LATS2: variants seen among roughly 807,000 people sequenced by gnomAD.
LATS2 encodes serine/threonine-protein kinase LATS2.
Under a neutral mutation model 76.0 loss-of-function variants are expected in LATS2, and 24 were observed. The ratio of observed to expected loss-of-function variants is 0.32; its 90% confidence interval spans 0.23 to 0.44. The LOEUF is 0.44. LATS2 is among the 20% of genes least tolerant of loss of function. The pLI is 1.00. For missense variants in LATS2, 1,286 were observed against 1,481.2 expected (o/e 0.87, Z 2.16); for synonymous variants, 692 against 635.4 (o/e 1.09, Z -1.34).
rs58156767 is a variant in LATS2 at position 20,973,514 on chromosome 13, CTGTGTGTG to C, written c.*1348_*1355del. ...GAAATAAGGAATATTGTGTTTATCT[CTGTGTGTG>C]TGTGTGTGTGTGTATACACGCACAT... On this transcript the variant is annotated 3_prime_UTR_variant, in exon 8 of 8. Transcript: ENST00000382592. The C allele has an allele frequency of 1.8e-5, 4 of 224,182 alleles. No individual in the cohort carries two copies. Among genetic ancestry groups the C allele is most frequent in the African/African-American group, 6.7e-5 (3 of 44,804 alleles). 13.9% of individuals were successfully genotyped at this position (224,182 alleles called of 1,614,324 possible). A position where few individuals can be genotyped will look rare whatever the true frequency, so the allele number is the denominator to read the frequency against.
chr13:20,976,781 C>T (rs1869643723), intron 7 of LATS2, among the ~76,000 whole-genome samples: 1 of 151,908 alleles, frequency 6.6e-6, no homozygotes, highest in African/African-American at 2.4e-5. Context: ...TTAAAAAAAA[C>T]AAAAACAGGA....
At chr13:21,054,163 C>T (rs1012448385) in intron 1 of LATS2, among the ~76,000 whole-genome samples, 9 of 152,152 alleles carry the variant, frequency 5.9e-5, no homozygotes, top group African/African-American at 2.2e-4. Flanking sequence ...TTAAACATAG[C>T]TACACGGCTG....
chr13:21,007,674 A>ATATATAGTGTG (rs1193794116), intron 2 of LATS2, among the ~76,000 whole-genome samples: 1 of 5,940 alleles, frequency 1.7e-4, no homozygotes, highest in Non-Finnish European at 2.8e-4. Flanking sequence ...GTGTGTATAT[A>ATATATAGTGTG]TATATATAGT....
At chr13:20,999,867 A>AAT (rs1264446344) in intron 2 of LATS2, among the ~76,000 whole-genome samples, 4 of 151,006 alleles carry the variant, frequency 2.6e-5, no homozygotes, top group Admixed American at 2.6e-4. Flanking sequence ...AACATACAAA[A>AAT]AAAAAAAAAA....
chr13:20,981,414 C>T (rs1169035566), intron 6 of LATS2, 52 bp downstream of exon 6: 80 of 1,535,980 alleles, frequency 5.2e-5, no homozygotes, highest in East Asian at 2.3e-4. Context: ...ACTCAGCTCA[C>T]GTCTGAAGGG....
rs555908856 is a variant in LATS2 at position 20,994,383 on chromosome 13, A to G, written c.343-2979T>C. 2.6e-5 allele frequency among the ~76,000 whole-genome samples: 4 copies of G among 152,354 alleles called. No homozygotes were observed. In the East Asian group the frequency reaches 7.7e-4, roughly 29 times the overall value. On this transcript the variant is annotated intron_variant, in intron 2 of 7. Coordinates refer to ENST00000382592, the MANE Select transcript of LATS2 (RefSeq NM_014572.3). ...TGCTACTGTACATATACATAGAGCTATGTTTTAAACACTGAAGGAAATGGG... is the reference window on the plus strand; with the variant it reads ...TGCTACTGTACATATACATAGAGCTGTGTTTTAAACACTGAAGGAAATGGG...
intron 2 of LATS2, among the ~76,000 whole-genome samples, chr13:21,042,956 C>G (rs1029341129): frequency 2.0e-5 from 3 of 151,236 alleles, no homozygotes; most frequent in Admixed American, 6.6e-5. Flanking sequence ...TGCACTCCAG[C>G]CTGGGCCACA....
At chr13:20,981,850 T>C (rs771415091) in intron 5 of LATS2, among the ~76,000 whole-genome samples, 13 of 151,936 alleles carry the variant, frequency 8.6e-5, no homozygotes, top group Admixed American at 7.2e-4. Flanking sequence ...CGTGGTGAGG[T>C]TGGCGCTAGC....
At position 21,043,333 on chromosome 13, in the gene LATS2, T is replaced by C. The variant is rs575214311; in HGVS notation, c.342+2352A>G. 1.4e-4 allele frequency among the ~76,000 whole-genome samples: 21 copies of C among 150,512 alleles called. No homozygotes were observed. In the South Asian group the frequency reaches 2.1e-3, roughly 15 times the overall value. On this transcript the variant is annotated intron_variant, in intron 2 of 7. Transcript: ENST00000382592. ...GCCTGGGCAACAGAGCAAGACACCG[T>C]CTAAAAAAAAAAAAGAACTCTATTA...
intron 2 of LATS2, among the ~76,000 whole-genome samples, chr13:20,997,615 C>A (rs746678645): frequency 1.5e-4 from 23 of 152,196 alleles, no homozygotes; most frequent in Non-Finnish European, 2.9e-4. Flanking sequence ...CCTCACCCAG[C>A]TCTCCAGCTG....
chr13:21,004,713 C>G (rs1035082878), intron 2 of LATS2, among the ~76,000 whole-genome samples: 1 of 152,170 alleles, frequency 6.6e-6, no homozygotes, highest in South Asian at 2.1e-4. Flanking sequence ...TCAACAGTAT[C>G]CCGAATCCAA....
chr13:20,998,472 G>C (rs950467791), intron 2 of LATS2, among the ~76,000 whole-genome samples: 2 of 152,234 alleles, frequency 1.3e-5, no homozygotes, highest in Non-Finnish European at 2.9e-5. Flanking sequence ...TCTCTGGCGG[G>C]ATCCTGTGCT....
chr13:21,042,094 A>G (rs1872898496), intron 2 of LATS2, among the ~76,000 whole-genome samples: 1 of 152,218 alleles, frequency 6.6e-6, no homozygotes, highest in Non-Finnish European at 1.5e-5. Flanking sequence ...CCTTAAATCT[A>G]TATTTAAAGA....
chr13:20,986,331 C>A (rs1870142234), intron 4 of LATS2, among the ~76,000 whole-genome samples: 2 of 152,180 alleles, frequency 1.3e-5, no homozygotes, highest in South Asian at 4.1e-4. Flanking sequence ...ATGTTTATTG[C>A]AGCACTATTC....
rs539563222 is a variant in LATS2, at chr13:21,033,982, AC to A, written c.342+11702del. ...TTCTGTGGGACAGGGGACCAGTCGC[AC>A]CCAGGCTGGTAGGACAACGATCTTA... On this transcript the variant is annotated intron_variant, in intron 2 of 7. Coordinates refer to ENST00000382592, the MANE Select transcript of LATS2 (RefSeq NM_014572.3). Among the ~76,000 whole-genome samples, 24 of 152,212 alleles carry A rather than the reference AC, an allele frequency of 1.6e-4. No individual in the cohort carries two copies. The East Asian group carries it at 4.1e-3, about 26-fold the overall frequency.
At chr13:20,995,613 A>C (rs1205881774) in intron 2 of LATS2, among the ~76,000 whole-genome samples, 1 of 152,236 alleles carries the variant, frequency 6.6e-6, no homozygotes, top group Non-Finnish European at 1.5e-5. Flanking sequence ...GCAAGCAGGG[A>C]GTAAGAAGAT....
At chr13:20,983,181 C>A in intron 5 of LATS2, 43 bp downstream of exon 5, 1 of 1,381,614 alleles carries the variant, frequency 7.2e-7, no homozygotes, top group Non-Finnish European at 1.0e-6. Flanking sequence ...GGGTTAGTGA[C>A]ATCTACACAT....
intron 2 of LATS2, among the ~76,000 whole-genome samples, chr13:21,019,973 TAA>T (rs528686392): frequency 4.7e-4 from 53 of 112,028 alleles, no homozygotes; most frequent in African/African-American, 4.7e-4. Flanking sequence ...AGACTCCATC[TAA>T]AAAAAAAAAA....
At chr13:21,032,475 C>T (rs1872561762) in intron 2 of LATS2, among the ~76,000 whole-genome samples, 1 of 152,188 alleles carries the variant, frequency 6.6e-6, no homozygotes, top group South Asian at 2.1e-4. Flanking sequence ...CCATGTTGGC[C>T]AGGCTGGTCT....
Sources: allele counts gnomAD v4.1 joint callset (sites outside exome capture counted in the v4.1 genomes callset), GRCh38; gene constraint gnomAD v4.1.1; transcripts MANE v1.5; gene names NCBI Gene and HGNC (gene_info 2026-07-23, HGNC 2026-07-21).